Variants in PRG4 observed in about 807,000 individuals in gnomAD.
PRG4 encodes the protein articular superficial zone protein.
Under a neutral mutation model 91.2 loss-of-function variants are expected in PRG4, and 61 were observed. The ratio of observed to expected loss-of-function variants is 0.67; its 90% confidence interval spans 0.54 to 0.83. The LOEUF (loss-of-function observed/expected upper bound fraction) is 0.83. Among genes scored for constraint, PRG4 ranks in the 40% least tolerant of loss-of-function variants. PRG4 has a pLI of 0.00. For missense variants in PRG4, 1,564 were observed against 1,714.2 expected, an observed-to-expected ratio of 0.91 and a Z score of 1.55; for synonymous variants, 576 against 614.2, an observed-to-expected ratio of 0.94 and a Z score of 0.92.
intron 8 of PRG4, among the ~76,000 whole-genome samples, chr1:186,310,507 G>A (rs1389667933): frequency 1.3e-5 from 2 of 152,074 alleles, no homozygotes; most frequent in Non-Finnish European, 1.5e-5. Flanking sequence ...TTTTGAGACC[G>A]GATCTCCCTC....
At chr1:186,312,455 T>C (rs1470813585) in intron 11 of PRG4, 83 bp downstream of exon 11, 7 of 1,286,648 alleles carry the variant, frequency 5.4e-6, no homozygotes, top group African/African-American at 1.5e-5. Flanking sequence ...TTATGAAATA[T>C]GGATACTGAT....
intron 8 of PRG4, 54 bp downstream of exon 8, chr1:186,309,924 G>A: frequency 2.0e-6 from 3 of 1,476,354 alleles, no homozygotes; most frequent in Non-Finnish European, 1.9e-6. Flanking sequence ...TGGCATTTAT[G>A]AGAACCAAAG....
chr1:186,312,409 T>C (rs1657332152), intron 11 of PRG4, 37 bp downstream of exon 11: 1 of 1,535,784 alleles, frequency 6.5e-7, no homozygotes, highest in Non-Finnish European at 8.9e-7. Flanking sequence ...TCCTTAAACA[T>C]AAGTAGATGT....
rs922257149 is a variant in PRG4, at chr1:186,313,119, T to G, written c.4117+225T>G. ...ACCTTCATGAGATTACGATAAAACATCCAGTTACTAGAGTAAACTTGCTAC... is the reference window on the plus strand; with the variant it reads ...ACCTTCATGAGATTACGATAAAACAGCCAGTTACTAGAGTAAACTTGCTAC... On this transcript the variant is annotated intron_variant, in intron 12 of 12. Transcript: ENST00000445192. 50 of 543,034 alleles carry G rather than the reference T, an allele frequency of 9.2e-5. No individual in the cohort carries two copies. The African/African-American group carries it at 9.3e-4, about 10-fold the overall frequency. 33.6% of individuals were successfully genotyped at this position (543,034 alleles called of 1,614,324 possible). A position where few individuals can be genotyped will look rare whatever the true frequency, so the allele number is the denominator to read the frequency against.
chr1:186,312,779 T>A lies in PRG4; in HGVS notation c.4002T>A (p.His1334Gln), dbSNP rs1448730112. ...RLAYQDKGVL[H>Q]NEVKVSILWR... is the part of the protein sequence containing the mutation. ...ACATGCCACTTACAGGTGTCCTTCA[T>A]AATGAAGTTAAAGTGAGTATACTGT... is the stretch of plus-strand genomic sequence containing the variant. The change falls in exon 12 of 13, where the codon CAT becomes CAA. Residue 1334 changes from histidine (H) to glutamine (Q), a missense_variant. Coordinates refer to ENST00000445192, the MANE Select transcript of PRG4 (RefSeq NM_005807.6). 1 of 1,612,936 alleles carries A rather than the reference T, an allele frequency of 6.2e-7. No homozygotes were observed. The highest frequency in any genetic ancestry group is 8.5e-7 in the Non-Finnish European group (1 of 1,179,076).
chr1:186,312,536 C>A, intron 11 of PRG4, 164 bp downstream of exon 11: 2 of 818,866 alleles, frequency 2.4e-6, no homozygotes, highest in Non-Finnish European at 3.8e-6. Flanking sequence ...AACCAAAGAC[C>A]AATACTTTCT....
At position 186,307,699 on chromosome 1, in the gene PRG4, C is replaced by T; in HGVS notation, c.1980C>T (p.Thr660=). The T allele has an allele frequency of 1.2e-6, 2 of 1,610,206 alleles. No individual in the cohort carries two copies. The highest frequency in any genetic ancestry group is 1.7e-6 in the Non-Finnish European group (2 of 1,179,010). The change falls in exon 7 of 13, where the codon ACC becomes ACT. Residue 660 remains threonine, a synonymous_variant. Coordinates refer to ENST00000445192, the MANE Select transcript of PRG4 (RefSeq NM_005807.6). ...CCCCTGAGGAGCCCACACCCACCAC[C>T]CCTGAGGAGCCTGCTCCCACCACTC... ...PTTPEEPTPT[T]PEEPAPTTPK...
intron 1 of PRG4, 111 bp from the exon 2 acceptor site, chr1:186,296,735 G>GA: frequency 1.5e-6 from 1 of 662,544 alleles, no homozygotes; most frequent in Non-Finnish European, 2.7e-6. Context: ...TCAAGAATGG[G>GA]ATGGTTTTAT....
rs1571563493 is a variant in PRG4, at chr1:186,306,640, T to C, written c.921T>C (p.Ala307=). 1.9e-6 allele frequency: 3 copies of C among 1,613,460 alleles called. No individual in the cohort carries two copies. Among genetic ancestry groups the C allele is most frequent in the African/African-American group, 1.3e-5 (1 of 74,838 alleles). ...STDGKEKTTS[A]KETQSIEKTS... ...ATGGAAAAGAGAAGACTACTTCCGC[T>C]AAAGAGACACAAAGTATAGAGAAAA... Residue 307 remains alanine (A), a synonymous_variant, in exon 7 of 13, where the codon GCT becomes GCC. Coordinates refer to ENST00000445192, the MANE Select transcript of PRG4 (RefSeq NM_005807.6).
At chr1:186,309,936 C>T (rs1657054970) in intron 8 of PRG4, 66 bp downstream of exon 8, 12 of 1,348,604 alleles carry the variant, frequency 8.9e-6, no homozygotes, top group East Asian at 4.6e-5. Flanking sequence ...GAACCAAAGC[C>T]GTGGAAGAGT....
chr1:186,313,217 T>G, intron 12 of PRG4: 1 of 409,306 alleles, frequency 2.4e-6, no homozygotes, highest in South Asian at 2.7e-5. Flanking sequence ...TTATAATGAT[T>G]TGCATCACTG....
Position 186,306,772 on chromosome 1 carries a change from GC to G in PRG4, c.1056del (p.Thr353ProfsTer559). ...PALTTPKEPT[P>X]TTPKEPASTT... The stretch of plus-strand genomic sequence containing the variant: ...CTCTCACCACTCCCAAGGAGCCCAC[GC>G]CCACCACTCCCAAGGAGCCTGCATC... On this transcript the variant is annotated frameshift_variant, in exon 7 of 13. Transcript: ENST00000445192. LOFTEE classifies it high-confidence loss of function. 6.3e-7 allele frequency: 1 copy of G among 1,580,796 alleles called. No individual in the cohort carries two copies. Among genetic ancestry groups the G allele is most frequent in the Non-Finnish European group, 8.6e-7 (1 of 1,163,686 alleles).
rs772202850 is a variant in PRG4 at position 186,306,568 on chromosome 1, A to T, written c.849A>T (p.Thr283=). The change falls in exon 7 of 13, where the codon ACA becomes ACT. Residue 283 remains threonine, a synonymous_variant. Coordinates refer to ENST00000445192, the MANE Select transcript of PRG4 (RefSeq NM_005807.6). ...CTTTGACAGTGAATAAAGAGACAAC[A>T]GTTGAAACTAAAGAAACTACTACAA... is the stretch of plus-strand genomic sequence containing the variant. ...ETSLTVNKET[T]VETKETTTTN... 2.5e-6 allele frequency: 4 copies of T among 1,613,360 alleles called. No homozygotes were observed. Among genetic ancestry groups the T allele is most frequent in the African/African-American group, 1.3e-5 (1 of 74,854 alleles).
rs755336942 is a variant in PRG4 at position 186,304,919 on chromosome 1, A to G, written c.595A>G (p.Lys199Glu). ...AANRELQKKL[K>E]VKDNKKNRTK... ...TAATAGAGAATTACAGAAGAAACTCAAAGGTTTGAGCATTGATAAAGATCA... is the reference window on the plus strand; with the variant it reads ...TAATAGAGAATTACAGAAGAAACTCGAAGGTTTGAGCATTGATAAAGATCA... Residue 199 changes from lysine (K) to glutamate (E), a missense_variant, in exon 6 of 13, where the codon AAA (lysine) becomes GAA (glutamate). Coordinates refer to ENST00000445192, the MANE Select transcript of PRG4 (RefSeq NM_005807.6). 1.3e-5 allele frequency: 21 copies of G among 1,613,050 alleles called. No individual in the cohort carries two copies. The highest frequency in any genetic ancestry group is 1.8e-5 in the Non-Finnish European group (21 of 1,179,324).
At chr1:186,311,330 TTC>T in intron 9 of PRG4, 108 bp from the exon 10 acceptor site, 1 of 1,432,130 alleles carries the variant, frequency 7.0e-7, no homozygotes, top group Non-Finnish European at 9.8e-7. Flanking sequence ...ATGGTCAAAA[TTC>T]AACCGTTTAA....
intron 12 of PRG4, 112 bp from the exon 13 acceptor site, chr1:186,313,569 T>A: frequency 1.5e-6 from 1 of 686,288 alleles, no homozygotes; most frequent in Non-Finnish European, 2.6e-6. Flanking sequence ...AGTAAAAACA[T>A]CTCTATTAAA....
chr1:186,306,195 A>G, intron 6 of PRG4, 123 bp from the exon 7 acceptor site: 1 of 764,840 alleles, frequency 1.3e-6, no homozygotes, highest in Non-Finnish European at 2.1e-6. Context: ...ATTAAAGGAC[A>G]TAGTAGAGAT....
rs143547980 is a variant in PRG4 at position 186,309,825 on chromosome 1, G to C, written c.3454G>C (p.Asp1152His). 7 of 1,613,656 alleles carry C rather than the reference G, an allele frequency of 4.3e-6. No homozygotes were observed. In the African/African-American group the frequency reaches 5.3e-5, roughly 12 times the overall value. ...ETNICNGKPV[D>H]GLTTLRNGTL... ...CAATATATGCAATGGTAAGCCAGTA[G>C]ATGGACTGACTACTTTGCGCAATGG... Residue 1152 changes from aspartate to histidine, a missense_variant, in exon 8 of 13, where the codon GAT becomes CAT. Transcript: ENST00000445192.
At chr1:186,313,469 A>T in intron 12 of PRG4, 1 of 512,056 alleles carries the variant, frequency 2.0e-6, no homozygotes, top group Non-Finnish European at 3.5e-6. Context: ...TTTTACAAAA[A>T]GATGGTGAAA....
Sources: allele counts gnomAD v4.1 joint callset (sites outside exome capture counted in the v4.1 genomes callset), GRCh38; gene constraint gnomAD v4.1.1; transcripts MANE v1.5; gene names NCBI Gene and HGNC (gene_info 2026-07-23, HGNC 2026-07-21).